Variants in RANBP2 observed in about 807,000 individuals in gnomAD.
The protein encoded by RANBP2 is RAN binding protein 2.
In RANBP2, 57 loss-of-function variants were observed where a neutral mutation model predicts 303.6. The observed-to-expected ratio is 0.19, with a 90% CI of 0.15 to 0.23. The LOEUF (loss-of-function observed/expected upper bound fraction) is 0.23. RANBP2 is among the 10% of genes least tolerant of loss of function. RANBP2 has a pLI of 1.00. For synonymous variants in RANBP2, 1,167 were observed against 1,301.5 expected, an observed-to-expected ratio of 0.90 and a Z score of 2.23; for missense variants, 3,138 against 3,780.8, an observed-to-expected ratio of 0.83 and a Z score of 4.46.
At chr2:109,560,831 G>A in the RANBP2 span, among the ~76,000 whole-genome samples, 1 of 152,044 alleles carries the variant, frequency 6.6e-6, no homozygotes, top group Non-Finnish European at 1.5e-5. Flanking sequence ...CTAGCCTCCT[G>A]CTTTCTCACT....
At chr2:108,752,471 G>A (rs1291133033) in intron 12 of RANBP2, among the ~76,000 whole-genome samples, 1 of 151,890 alleles carries the variant, frequency 6.6e-6, no homozygotes, top group Non-Finnish European at 1.5e-5. Flanking sequence ...CATTAGAAGC[G>A]TTTAAAAGTT....
chr2:109,160,843 T>C, the RANBP2 span, among the ~76,000 whole-genome samples: 4 of 152,126 alleles, frequency 2.6e-5, no homozygotes, highest in African/African-American at 9.7e-5. Context: ...CCAGCTGTAA[T>C]GGACAGGGCC....
At chr2:108,969,025 G>T in the RANBP2 span, among the ~76,000 whole-genome samples, 1 of 152,200 alleles carries the variant, frequency 6.6e-6, no homozygotes, top group South Asian at 2.1e-4. Context: ...AATCAGCAAG[G>T]CCACCTCAAG....
At chr2:109,369,111 G>A in the RANBP2 span, among the ~76,000 whole-genome samples, 1 of 152,032 alleles carries the variant, frequency 6.6e-6, no homozygotes, top group Non-Finnish European at 1.5e-5. Context: ...TTGGGAGGCC[G>A]AGGTGGGCAG....
the RANBP2 span, chr2:109,564,314 G>A: frequency 7.0e-7 from 1 of 1,422,838 alleles, no homozygotes; most frequent in Non-Finnish European, 9.3e-7. Flanking sequence ...ATAAAAATAT[G>A]CAATCCTCTC....
chr2:109,024,087 C>T, the RANBP2 span, among the ~76,000 whole-genome samples: 10 of 152,042 alleles, frequency 6.6e-5, no homozygotes, highest in East Asian at 5.8e-4. Context: ...CACCACGCCC[C>T]GCTAATTTTG....
chr2:109,372,487 G>A, the RANBP2 span, among the ~76,000 whole-genome samples: 32 of 152,326 alleles, frequency 2.1e-4, no homozygotes, highest in African/African-American at 7.5e-4. Flanking sequence ...TGCTTACTGA[G>A]TGCTTGTTGT....
chr2:108,771,287 G>C (rs1558931309), intron 20 of RANBP2, among the ~76,000 whole-genome samples: 1 of 151,342 alleles, frequency 6.6e-6, no homozygotes, highest in Non-Finnish European at 1.5e-5. Context: ...CATATGTATA[G>C]TAATACTTGC....
At chr2:109,075,579 CA>C in the RANBP2 span, among the ~76,000 whole-genome samples, 18,028 of 109,624 alleles carry the variant, frequency 0.16, 1,375 homozygotes, top group African/African-American at 0.17. Flanking sequence ...CTTAGACAAA[CA>C]AAAAAAAAAA....
chr2:108,876,184 T>G, the RANBP2 span: 1 of 1,613,560 alleles, frequency 6.2e-7, no homozygotes, highest in East Asian at 2.2e-5. Flanking sequence ...TCTGTATTAA[T>G]CTAAATTCAA....
the RANBP2 span, chr2:109,614,734 G>A: frequency 6.0e-6 from 9 of 1,489,074 alleles, no homozygotes; most frequent in Admixed American, 2.2e-5. Flanking sequence ...CTCAAGAAGA[G>A]GTTCTGTGAA....
chr2:109,260,503 A>G, the RANBP2 span, among the ~76,000 whole-genome samples: 1 of 152,096 alleles, frequency 6.6e-6, no homozygotes, highest in Non-Finnish European at 1.5e-5. Context: ...TTCCATACTT[A>G]CCCTCTGTGG....
the RANBP2 span, among the ~76,000 whole-genome samples, chr2:109,232,876 T>G: frequency 1.3e-5 from 2 of 152,212 alleles, no homozygotes; most frequent in East Asian, 3.9e-4. Context: ...AATTCACACT[T>G]TTTGGTTTAC....
intron 7 of RANBP2, among the ~76,000 whole-genome samples, chr2:108,743,354 C>T (rs1303533067): frequency 6.6e-6 from 1 of 152,118 alleles, no homozygotes; most frequent in Non-Finnish European, 1.5e-5. Flanking sequence ...ACTGCATCCT[C>T]GAACTCCTGG....
chr2:108,796,061 T>A, the RANBP2 span, among the ~76,000 whole-genome samples: 1 of 152,140 alleles, frequency 6.6e-6, no homozygotes, highest in African/African-American at 2.4e-5. Context: ...TATTTATTTA[T>A]TTTTTTGAGA....
chr2:109,034,546 G>T, the RANBP2 span, among the ~76,000 whole-genome samples: 2 of 152,206 alleles, frequency 1.3e-5, no homozygotes, highest in African/African-American at 4.8e-5. Flanking sequence ...GGGAGGCACA[G>T]TGAGGCAAAA....
chr2:109,390,609 G>GGTGACATAACT, the RANBP2 span, among the ~76,000 whole-genome samples: 1 of 152,188 alleles, frequency 6.6e-6, no homozygotes, highest in African/African-American at 2.4e-5. Context: ...GAGGAAGAAG[G>GGTGACATAACT]GTGACATAAC....
chr2:109,116,276 C>T, the RANBP2 span, among the ~76,000 whole-genome samples: 49 of 152,306 alleles, frequency 3.2e-4, no homozygotes, highest in African/African-American at 1.0e-3. Context: ...ACCAGTTAGA[C>T]GTAGATTTGG....
At chr2:109,244,185 A>T in the RANBP2 span, among the ~76,000 whole-genome samples, 138 of 152,284 alleles carry the variant, frequency 9.1e-4, no homozygotes, top group African/African-American at 3.1e-3. Flanking sequence ...CTATTTATGG[A>T]CTGCAAAACA....
Sources: allele counts gnomAD v4.1 joint callset (sites outside exome capture counted in the v4.1 genomes callset), GRCh38; gene constraint gnomAD v4.1.1; transcripts MANE v1.5; gene names NCBI Gene and HGNC (gene_info 2026-07-23, HGNC 2026-07-21).